Variants in C6orf89 observed in about 807,000 individuals in gnomAD.
C6orf89 encodes the protein bombesin receptor-activated protein C6orf89.
In C6orf89, 29 loss-of-function variants were observed where a neutral mutation model predicts 40.7. That is an observed-to-expected ratio of 0.71 (90% CI 0.53 to 0.97). The LOEUF (loss-of-function observed/expected upper bound fraction) is 0.97, where lower values mean the gene tolerates loss of function less well. Ranked by LOEUF, C6orf89 falls within the 50% of genes least tolerant of loss-of-function variation. The probability of loss-of-function intolerance (pLI) is 0.00; values close to 1 mark genes in which losing one functional copy is unlikely to be tolerated. For missense variants in C6orf89, 392 were observed against 429.1 expected (o/e 0.91, Z 0.76); for synonymous variants, 165 against 152.2 (o/e 1.08, Z -0.62).
At chr6:36,902,555 C>T in intron 4 of C6orf89, 121 bp downstream of exon 4, 1 of 824,328 alleles carries the variant, frequency 1.2e-6, no homozygotes, top group Non-Finnish European at 1.9e-6. Flanking sequence ...TCTTTTAATT[C>T]AGTCCCCACT....
intron 1 of C6orf89, chr6:36,872,090 C>T: frequency 2.6e-6 from 1 of 386,828 alleles, no homozygotes; most frequent in South Asian, 6.3e-5. Context: ...CTGGGTACTT[C>T]TTTTCAGCAA....
Position 36,927,431 on chromosome 6 carries a change from A to G in C6orf89, c.*3990A>G, listed in dbSNP as rs1288674137. 6.6e-6 allele frequency: 1 copy of G among 152,248 alleles called. No individual in the cohort carries two copies. The highest frequency in any genetic ancestry group is 2.4e-5 in the African/African-American group (1 of 41,460). 9.4% of individuals were successfully genotyped at this position (152,248 alleles called of 1,614,324 possible). ...AAGGAGAAAGCCAGGTTATAGGAGA[A>G]AGAGAGAGAAAGGCGCATGTCTGTT... On this transcript the variant is annotated 3_prime_UTR_variant, in exon 9 of 9. Transcript: ENST00000480824.
intron 6 of C6orf89, among the ~76,000 whole-genome samples, chr6:36,915,675 C>G (rs570650495): frequency 2.7e-4 from 40 of 150,876 alleles, no homozygotes; most frequent in Middle Eastern, 3.4e-3. Context: ...CACTGCACTC[C>G]AGCCTGGGCG....
At chr6:36,920,727 TTC>T (rs1419595781) in intron 8 of C6orf89, among the ~76,000 whole-genome samples, 1 of 152,190 alleles carries the variant, frequency 6.6e-6, no homozygotes, top group African/African-American at 2.4e-5. Context: ...AAAACGAGGA[TTC>T]TTGTATGGAA....
At chr6:36,875,006 T>A (rs1288027628) in intron 1 of C6orf89, 1 of 536,250 alleles carries the variant, frequency 1.9e-6, no homozygotes, top group Non-Finnish European at 3.3e-6. Flanking sequence ...TTCGCGGTGG[T>A]CTCCAAGTGG....
At chr6:36,873,119 T>G (rs983269116) in intron 1 of C6orf89, among the ~76,000 whole-genome samples, 1 of 152,218 alleles carries the variant, frequency 6.6e-6, no homozygotes, top group Non-Finnish European at 1.5e-5. Flanking sequence ...AAGCTTACAT[T>G]CTGGAGGATA....
chr6:36,902,978 A>T (rs1018533255), intron 4 of C6orf89, among the ~76,000 whole-genome samples: 4 of 152,258 alleles, frequency 2.6e-5, no homozygotes, highest in Non-Finnish European at 5.9e-5. Context: ...AGTAGAAATT[A>T]AAAAACACAT....
Position 36,925,469 on chromosome 6 carries a change from GC to G in C6orf89, c.*2029del, listed in dbSNP as rs1762648904. ...CCCTTGCATGTGTTGGTATTCTGAGGCATCCCGTGGGAAAGTCCCCTAAGTC... is the reference window on the plus strand; with the variant it reads ...CCCTTGCATGTGTTGGTATTCTGAGGATCCCGTGGGAAAGTCCCCTAAGTC... On this transcript the variant is annotated 3_prime_UTR_variant, in exon 9 of 9. Transcript: ENST00000480824. 1 of 152,122 alleles carries G rather than the reference GC, an allele frequency of 6.6e-6. No homozygotes were observed. The highest frequency in any genetic ancestry group is 2.4e-5 in the African/African-American group (1 of 41,416). 9.4% of individuals were successfully genotyped at this position (152,122 alleles called of 1,614,324 possible).
chr6:36,918,362 T>G (rs1446028865), intron 7 of C6orf89, among the ~76,000 whole-genome samples: 2 of 152,244 alleles, frequency 1.3e-5, no homozygotes, highest in African/African-American at 4.8e-5. Context: ...TCTGAGATTG[T>G]TTTGAGGACT....
intron 2 of C6orf89, among the ~76,000 whole-genome samples, chr6:36,897,193 T>C (rs1323404214): frequency 6.6e-6 from 1 of 150,672 alleles, no homozygotes; most frequent in African/African-American, 2.4e-5. Context: ...CATTTGTGGA[T>C]ATCCAGTGGT....
At chr6:36,877,757 C>T (rs1223820515) in intron 1 of C6orf89, among the ~76,000 whole-genome samples, 1 of 152,240 alleles carries the variant, frequency 6.6e-6, no homozygotes, top group African/African-American at 2.4e-5. Flanking sequence ...AACAATATCT[C>T]AGTAGTAATT....
intron 7 of C6orf89, among the ~76,000 whole-genome samples, chr6:36,918,282 AATGGATGAAC>A (rs1466491092): frequency 2.0e-5 from 3 of 152,244 alleles, no homozygotes; most frequent in Non-Finnish European, 4.4e-5. Flanking sequence ...CCATCCTGGG[AATGGATGAAC>A]ATGACCCTGC....
chr6:36,883,047 C>CA (rs1692265273), upstream of C6orf89: 2 of 152,266 alleles, frequency 1.3e-5, no homozygotes, highest in Admixed American at 1.3e-4. Context: ...CCTGAATTGT[C>CA]ATTTTCAATG....
chr6:36,904,379 G>A (rs1366478206), intron 4 of C6orf89, among the ~76,000 whole-genome samples: 3 of 152,186 alleles, frequency 2.0e-5, no homozygotes, highest in Admixed American at 6.5e-5. Flanking sequence ...TAGAGAGAGC[G>A]AGTGAGCATT....
intron 2 of C6orf89, among the ~76,000 whole-genome samples, chr6:36,879,297 T>C (rs1774739494): frequency 6.6e-6 from 1 of 152,178 alleles, no homozygotes; most frequent in African/African-American, 2.4e-5. Flanking sequence ...CAGTTTGATA[T>C]TGAGTGCTAA....
chr6:36,911,503 A>G (rs1482885271), intron 4 of C6orf89, among the ~76,000 whole-genome samples: 6 of 151,912 alleles, frequency 3.9e-5, no homozygotes, highest in Non-Finnish European at 7.4e-5. Context: ...AAAAAATAAT[A>G]ATAATAATAA....
chr6:36,873,302 C>T (rs1417722596), intron 1 of C6orf89, among the ~76,000 whole-genome samples: 2 of 149,368 alleles, frequency 1.3e-5, no homozygotes, highest in Non-Finnish European at 1.5e-5. Flanking sequence ...TTGTCATAGC[C>T]AAAAAAAAAG....
chr6:36,905,682 C>T (rs535986905), intron 4 of C6orf89, among the ~76,000 whole-genome samples: 51 of 152,348 alleles, frequency 3.3e-4, no homozygotes, highest in African/African-American at 1.2e-3. Flanking sequence ...CACATTCTTA[C>T]TGCTTTTCTC....
At chr6:36,902,548 T>C in intron 4 of C6orf89, 114 bp downstream of exon 4, 1 of 869,890 alleles carries the variant, frequency 1.1e-6, no homozygotes. Flanking sequence ...TATTGTATCT[T>C]TTAATTCAGT....
Sources: gnomAD v4.1 joint callset for allele counts (sites outside exome capture counted in the v4.1 genomes callset) on GRCh38, gnomAD v4.1.1 for gene constraint, MANE v1.5 for transcripts, NCBI Gene and HGNC (gene_info 2026-07-23, HGNC 2026-07-21) for gene names.